The following MLPH variants were observed in gnomAD, a reference collection of about 807,000 sequenced individuals.
MLPH encodes the protein exophilin-3.
In MLPH, 51 loss-of-function variants were observed where a neutral mutation model predicts 72.1. That is an observed-to-expected ratio of 0.71 (90% CI 0.56 to 0.89). The LOEUF is 0.89. Ranked by LOEUF, MLPH falls within the 40% of genes least tolerant of loss-of-function variation. The probability of loss-of-function intolerance (pLI) is 0.00; values close to 1 mark genes in which losing one functional copy is unlikely to be tolerated. For synonymous variants in MLPH, 301 were observed against 310.1 expected (o/e 0.97, Z 0.31); for missense variants, 743 against 759.9 (o/e 0.98, Z 0.26).
chr2:237,528,358 A>T (rs944212021), intron 8 of MLPH, among the ~76,000 whole-genome samples: 14 of 144,922 alleles, frequency 9.7e-5, no homozygotes, highest in South Asian at 2.1e-4. Context: ...ATTTTTTTTT[A>T]ATTTTTTTTT....
rs2081086018 is a variant in MLPH at position 237,553,915 on chromosome 2, C to T, written c.*323C>T. 4.1e-6 allele frequency: 2 copies of T among 484,684 alleles called. No homozygotes were observed. Among genetic ancestry groups the T allele is most frequent in the Middle Eastern group, 5.8e-4 (1 of 1,718 alleles). The allele number at this position is 484,684 out of a possible 1,614,324, so 30.0% of individuals were successfully genotyped here. On this transcript the variant is annotated 3_prime_UTR_variant, in exon 16 of 16. Transcript: ENST00000264605. ...ACACCGAAGACCTTTATACTGTGAT[C>T]TTTTACCCCTTTCACTCTTGGCTTT...
At chr2:237,495,465 G>A (rs1243765776) in intron 2 of MLPH, among the ~76,000 whole-genome samples, 1 of 152,236 alleles carries the variant, frequency 6.6e-6, no homozygotes, top group Non-Finnish European at 1.5e-5. Context: ...CCAGCCCCGG[G>A]GACGTGAGCT....
Position 237,520,041 on chromosome 2 carries a change from C to T in MLPH, c.675+12C>T. On this transcript the variant is annotated intron_variant, in intron 6 of 15. Transcript: ENST00000264605. ...GGGACAGCCCACAGGTCAGTGGGTC[C>T]TCGTGTCTTTCCCCTGCCCCTCCCA... The T allele has an allele frequency of 6.2e-7, 1 of 1,613,834 alleles. No individual in the cohort carries two copies. Among genetic ancestry groups the T allele is most frequent in the Non-Finnish European group, 8.5e-7 (1 of 1,180,004 alleles).
At chr2:237,499,780 T>C (rs1018984131) in intron 2 of MLPH, among the ~76,000 whole-genome samples, 1 of 152,216 alleles carries the variant, frequency 6.6e-6, no homozygotes, top group Non-Finnish European at 1.5e-5. Context: ...GGTCTTGCTC[T>C]GTTACCCAGG....
At chr2:237,495,412 C>T (rs2079514748) in intron 2 of MLPH, among the ~76,000 whole-genome samples, 1 of 152,208 alleles carries the variant, frequency 6.6e-6, no homozygotes, top group Non-Finnish European at 1.5e-5. Context: ...TTTAAAGCTG[C>T]AGGGCCATAG....
chr2:237,540,853 C>T lies in MLPH; in HGVS notation c.1342C>T (p.Pro448Ser). 1 of 1,613,368 alleles carries T rather than the reference C, an allele frequency of 6.2e-7. No individual in the cohort carries two copies. Among genetic ancestry groups the T allele is most frequent in the Non-Finnish European group, 8.5e-7 (1 of 1,179,990 alleles). ...TNRQEKSPQDPGDPVQYNRTT... is the reference protein window; with the variant it reads ...TNRQEKSPQDSGDPVQYNRTT... Reference sequence around the variant, plus strand: ...CAGACAGGAAAAAAGCCCCCAGGACCCTGGGGACCCCGTCCAGTACAACAG... The same window carrying T: ...CAGACAGGAAAAAAGCCCCCAGGACTCTGGGGACCCCGTCCAGTACAACAG... Residue 448 changes from proline to serine, a missense_variant, in exon 11 of 16, where the codon CCT becomes TCT. Coordinates refer to ENST00000264605, the MANE Select transcript of MLPH (RefSeq NM_024101.7).
chr2:237,500,899 A>G (rs1205686493), intron 2 of MLPH, among the ~76,000 whole-genome samples: 1 of 151,702 alleles, frequency 6.6e-6, no homozygotes, highest in Non-Finnish European at 1.5e-5. Flanking sequence ...AATCCACCCC[A>G]CACACACACT....
At chr2:237,496,748 C>T (rs184256009) in intron 2 of MLPH, among the ~76,000 whole-genome samples, 106 of 152,226 alleles carry the variant, frequency 7.0e-4, no homozygotes, top group African/African-American at 2.4e-3. Flanking sequence ...AGATGTCTTC[C>T]GATGGGAAGG....
chr2:237,513,102 T>TAAAAAA (rs57193032), intron 4 of MLPH, among the ~76,000 whole-genome samples: 1 of 138,070 alleles, frequency 7.2e-6, no homozygotes, highest in Admixed American at 7.2e-5. Flanking sequence ...GCTGTGCCTT[T>TAAAAAA]AAAAAAAAAA....
At chr2:237,532,122 G>C (rs1298537026) in intron 8 of MLPH, among the ~76,000 whole-genome samples, 1 of 152,202 alleles carries the variant, frequency 6.6e-6, no homozygotes, top group Admixed American at 6.5e-5. Context: ...AACCCAGGCA[G>C]ACTCTTAGAG....
chr2:237,495,449 T>C (rs575585863), intron 2 of MLPH, among the ~76,000 whole-genome samples: 70 of 152,260 alleles, frequency 4.6e-4, no homozygotes, highest in African/African-American at 1.6e-3. Context: ...GGAATTTGGA[T>C]GGGGACCAGC....
In MLPH at chr2:237,542,657, C is replaced by T. The variant is rs2080718659; in HGVS notation, c.1537C>T (p.Pro513Ser). The change falls in exon 12 of 16, where the codon CCG becomes TCG. Residue 513 changes from proline to serine, a missense_variant and splice_region_variant. Physicochemically the swap from Pro to Ser is moderately conservative, Grantham distance 74. Transcript: ENST00000264605. ...SGKPRRKSNL[P>S]IFLPRVAGKL... ...AAAGCCCCGGAGGAAGTCAAACCTCCCGGTGAGTGGGGGGCAGTGGTGAGT... is the reference window on the plus strand; with the variant it reads ...AAAGCCCCGGAGGAAGTCAAACCTCTCGGTGAGTGGGGGGCAGTGGTGAGT... 1.9e-6 allele frequency: 3 copies of T among 1,570,168 alleles called. No individual in the cohort carries two copies. The highest frequency in any genetic ancestry group is 2.6e-6 in the Non-Finnish European group (3 of 1,158,656).
At chr2:237,542,855 G>C (rs2080739608) in intron 12 of MLPH, among the ~76,000 whole-genome samples, 196 bp downstream of exon 12, 1 of 40,108 alleles carries the variant, frequency 2.5e-5, no homozygotes, top group Non-Finnish European at 3.9e-5. Flanking sequence ...GTGGTGAGTG[G>C]CGGACAGTGG....
At chr2:237,529,070 T>C (rs1227841602) in intron 8 of MLPH, among the ~76,000 whole-genome samples, 1 of 152,030 alleles carries the variant, frequency 6.6e-6, no homozygotes, top group East Asian at 1.9e-4. Context: ...TTAGAAAGAG[T>C]GTTGCTCTGT....
intron 1 of MLPH, among the ~76,000 whole-genome samples, chr2:237,491,331 G>A (rs1407414584): frequency 3.3e-5 from 5 of 152,148 alleles, no homozygotes; most frequent in Non-Finnish European, 5.9e-5. Context: ...TTGAAATTAC[G>A]AGGTGGTTTT....
rs1221078001 is a variant in MLPH at position 237,555,098 on chromosome 2, T to G, written c.*1506T>G. The stretch of plus-strand genomic sequence containing the variant: ...TCCTGGGCAACATAGTGAGATCCCA[T>G]CTCTACAAAAAACAAAACAAAAAAA... On this transcript the variant is annotated 3_prime_UTR_variant, in exon 16 of 16. Coordinates refer to ENST00000264605, the MANE Select transcript of MLPH (RefSeq NM_024101.7). 1 of 151,978 alleles carries G rather than the reference T, an allele frequency of 6.6e-6. No individual in the cohort carries two copies. The highest frequency in any genetic ancestry group is 1.5e-5 in the Non-Finnish European group (1 of 68,022). The allele number at this position is 151,978 out of a possible 1,614,324, so 9.4% of individuals were successfully genotyped here.
chr2:237,511,518 T>C (rs189117927), intron 4 of MLPH: 2 of 196,986 alleles, frequency 1.0e-5, no homozygotes, highest in East Asian at 2.6e-4. Flanking sequence ...TTTGAAATTA[T>C]ATTGTTTTCA....
chr2:237,530,139 G>A (rs1271610545), intron 8 of MLPH, among the ~76,000 whole-genome samples: 2 of 152,214 alleles, frequency 1.3e-5, no homozygotes, highest in Non-Finnish European at 2.9e-5. Context: ...TCAGCCACAG[G>A]GCTGCAGATT....
At chr2:237,542,954 G>A (rs1574900235) in intron 12 of MLPH, among the ~76,000 whole-genome samples, 1 of 41,700 alleles carries the variant, frequency 2.4e-5, no homozygotes, top group African/African-American at 1.8e-4. Flanking sequence ...ACAGTGGTGA[G>A]TGGGCACGGT....
Sources: gnomAD v4.1 joint callset for allele counts (sites outside exome capture counted in the v4.1 genomes callset) on GRCh38, gnomAD v4.1.1 for gene constraint, MANE v1.5 for transcripts, NCBI Gene and HGNC (gene_info 2026-07-23, HGNC 2026-07-21) for gene names.